Variants in TACR3 observed in about 807,000 individuals in gnomAD.
TACR3 encodes tachykinin receptor 3, also known as neuromedin-K receptor.
TACR3 carries 34 observed loss-of-function variants against 35.0 expected under a neutral mutation model. The ratio of observed to expected loss-of-function variants is 0.97; its 90% confidence interval spans 0.74 to 1.30. The LOEUF (loss-of-function observed/expected upper bound fraction) is 1.30. Among genes scored for constraint, TACR3 ranks in the 50% most tolerant of loss-of-function variants. TACR3 has a pLI of 0.00. For missense variants in TACR3, 558 were observed against 591.7 expected (o/e 0.94, Z 0.59); for synonymous variants, 233 against 221.1 (o/e 1.05, Z -0.48).
At chr4:103,674,576 G>A (rs898496278) in intron 1 of TACR3, among the ~76,000 whole-genome samples, 1 of 152,098 alleles carries the variant, frequency 6.6e-6, no homozygotes, top group African/African-American at 2.4e-5. Context: ...GTTTTGAGAT[G>A]GAGTCTCGCT....
intron 3 of TACR3, among the ~76,000 whole-genome samples, chr4:103,612,853 A>G (rs1008092860): frequency 2.0e-5 from 3 of 152,146 alleles, no homozygotes; most frequent in Admixed American, 6.5e-5. Context: ...CAGTGCTTAG[A>G]AGAATACCCA....
At chr4:103,696,685 C>T (rs1243676131) in intron 1 of TACR3, among the ~76,000 whole-genome samples, 7 of 152,104 alleles carry the variant, frequency 4.6e-5, no homozygotes, top group Non-Finnish European at 7.4e-5. Flanking sequence ...ACCCTTTTGT[C>T]ACTACCACTT....
At chr4:103,718,712 T>C (rs1310813052) in intron 1 of TACR3, among the ~76,000 whole-genome samples, 1 of 152,196 alleles carries the variant, frequency 6.6e-6, no homozygotes, top group African/African-American at 2.4e-5. Context: ...ACCATTTCTC[T>C]GCCAGAATAG....
At chr4:103,687,333 G>A (rs1195169323) in intron 1 of TACR3, among the ~76,000 whole-genome samples, 3 of 151,980 alleles carry the variant, frequency 2.0e-5, no homozygotes, top group African/African-American at 7.3e-5. Context: ...TTGAAAACTG[G>A]CACAAGACAG....
intron 1 of TACR3, among the ~76,000 whole-genome samples, chr4:103,701,362 AAGG>A (rs1722645113): frequency 2.0e-5 from 3 of 150,356 alleles, no homozygotes; most frequent in African/African-American, 7.3e-5. Context: ...GGACCTCTTC[AAGG>A]AGAACTACAA....
At chr4:103,605,775 G>T (rs1211730356) in intron 3 of TACR3, among the ~76,000 whole-genome samples, 1 of 151,610 alleles carries the variant, frequency 6.6e-6, no homozygotes, top group Non-Finnish European at 1.5e-5. Context: ...TTTGTAGGTT[G>T]CCTGTTCACT....
chr4:103,619,808 G>A (rs1225918888), intron 3 of TACR3, among the ~76,000 whole-genome samples: 2 of 152,162 alleles, frequency 1.3e-5, no homozygotes, highest in Non-Finnish European at 2.9e-5. Context: ...TTCTGGTTGT[G>A]TGGTGAATCA....
chr4:103,619,053 CT>C (rs1169718001), intron 3 of TACR3, among the ~76,000 whole-genome samples: 1 of 152,152 alleles, frequency 6.6e-6, no homozygotes, highest in Non-Finnish European at 1.5e-5. Flanking sequence ...GATAGTTTGA[CT>C]TCTTTTCCTA....
intron 3 of TACR3, among the ~76,000 whole-genome samples, chr4:103,651,739 C>A (rs1252546028): frequency 6.6e-6 from 1 of 151,988 alleles, no homozygotes; most frequent in African/African-American, 2.4e-5. Flanking sequence ...ACCCAAGGCC[C>A]ATGGTGTACT....
At chr4:103,598,556 A>T (rs1224998546) in intron 3 of TACR3, among the ~76,000 whole-genome samples, 2 of 152,072 alleles carry the variant, frequency 1.3e-5, no homozygotes, top group Non-Finnish European at 2.9e-5. Context: ...GGTATTGCCT[A>T]TGTTTTCTTC....
At chr4:103,683,826 G>T (rs2110211517) in intron 1 of TACR3, among the ~76,000 whole-genome samples, 1 of 140,532 alleles carries the variant, frequency 7.1e-6, no homozygotes, top group Middle Eastern at 3.4e-3. Flanking sequence ...AGGAGAGATG[G>T]GAGAAGAGAG....
intron 3 of TACR3, among the ~76,000 whole-genome samples, chr4:103,625,304 G>A (rs1214995912): frequency 6.6e-6 from 1 of 152,162 alleles, no homozygotes; most frequent in African/African-American, 2.4e-5. Context: ...TGCTCTCTTG[G>A]TGGGAAGTAG....
chr4:103,713,288 T>C (rs941435406), intron 1 of TACR3, among the ~76,000 whole-genome samples: 24 of 152,016 alleles, frequency 1.6e-4, no homozygotes, highest in African/African-American at 5.3e-4. Context: ...TGGAATACTA[T>C]GCAGCCATAA....
chr4:103,703,355 C>T (rs1464607109), intron 1 of TACR3, among the ~76,000 whole-genome samples: 2 of 152,032 alleles, frequency 1.3e-5, no homozygotes, highest in East Asian at 3.9e-4. Context: ...AATTATTTGA[C>T]ATTATTTGGT....
At chr4:103,601,402 T>A (rs921524518) in intron 3 of TACR3, among the ~76,000 whole-genome samples, 5 of 152,172 alleles carry the variant, frequency 3.3e-5, no homozygotes, top group African/African-American at 1.2e-4. Flanking sequence ...GTTAATATTA[T>A]TTTGTGTGAA....
intron 1 of TACR3, among the ~76,000 whole-genome samples, chr4:103,707,892 C>G (rs1722833250): frequency 6.6e-6 from 1 of 152,180 alleles, no homozygotes; most frequent in Non-Finnish European, 1.5e-5. Context: ...ACCCAAGGAG[C>G]CTTACTCATT....
intron 3 of TACR3, among the ~76,000 whole-genome samples, chr4:103,602,601 C>G (rs1459272174): frequency 6.6e-6 from 1 of 151,974 alleles, no homozygotes; most frequent in Non-Finnish European, 1.5e-5. Flanking sequence ...AGTTTTCCTT[C>G]TAACAGACAG....
chr4:103,617,981 T>C (rs149622802), intron 3 of TACR3, among the ~76,000 whole-genome samples: 47 of 152,238 alleles, frequency 3.1e-4, no homozygotes, highest in African/African-American at 1.1e-3. Context: ...ATAAAATTGA[T>C]GGGAGAAAAA....
intron 1 of TACR3, among the ~76,000 whole-genome samples, chr4:103,678,872 T>G (rs78844131): frequency 0.031 from 4,661 of 151,894 alleles, 102 homozygotes; most frequent in Non-Finnish European, 0.048. Flanking sequence ...TCTTTTCTCT[T>G]TGAGGGCCAT....
Sources: gnomAD v4.1 joint callset for allele counts (sites outside exome capture counted in the v4.1 genomes callset) on GRCh38, gnomAD v4.1.1 for gene constraint, MANE v1.5 for transcripts, NCBI Gene and HGNC (gene_info 2026-07-23, HGNC 2026-07-21) for gene names.